LARGE1: variants seen among roughly 807,000 people sequenced by gnomAD.
The protein encoded by LARGE1 is xylosyl- and glucuronyltransferase LARGE1.
A neutral mutation model predicts 87.6 loss-of-function variants in LARGE1; 43 were observed. The observed-to-expected ratio is 0.49, with a 90% CI of 0.38 to 0.63. LARGE1 has a LOEUF of 0.63. LARGE1 is among the 30% of genes least tolerant of loss of function. The pLI is 0.00. For missense variants in LARGE1, 802 were observed against 1,000.2 expected (o/e 0.80, Z 2.67); for synonymous variants, 434 against 394.6 (o/e 1.10, Z -1.18).
At chr22:33,289,779 GGGGAAACT>G (rs1316228072) in intron 12 of LARGE1, among the ~76,000 whole-genome samples, 1 of 152,100 alleles carries the variant, frequency 6.6e-6, no homozygotes, top group Non-Finnish European at 1.5e-5. Context: ...GCTAACCAGT[GGGGAAACT>G]GTGAATTTGA....
At chr22:33,622,157 G>C (rs373611024) in intron 4 of LARGE1, among the ~76,000 whole-genome samples, 2 of 152,104 alleles carry the variant, frequency 1.3e-5, no homozygotes, top group Non-Finnish European at 2.9e-5. Context: ...ATCTCATTTC[G>C]AATTGTAATT....
the LARGE1 span, among the ~76,000 whole-genome samples, chr22:33,153,996 G>T: frequency 6.6e-6 from 1 of 152,086 alleles, no homozygotes; most frequent in Non-Finnish European, 1.5e-5. Context: ...CCAATGTGGG[G>T]TTCACTTCTT....
chr22:33,567,340 C>T lies in LARGE1; in HGVS notation c.616-2321G>A, dbSNP rs534709053. Among the ~76,000 whole-genome samples the T allele has an allele frequency of 7.2e-5, 11 of 152,290 alleles. No individual in the cohort carries two copies. The South Asian group carries it at 2.3e-3, about 32-fold the overall frequency. ...TTAAAGGACTCAAGGGCGTGGTACACAAAATATACTCAGTAATAAGCTCCC... is the reference window on the plus strand; with the variant it reads ...TTAAAGGACTCAAGGGCGTGGTACATAAAATATACTCAGTAATAAGCTCCC... On this transcript the variant is annotated intron_variant, in intron 5 of 14. Coordinates refer to ENST00000397394, the MANE Select transcript of LARGE1 (RefSeq NM_133642.5).
At chr22:33,514,983 C>T (rs1490359818) in intron 6 of LARGE1, among the ~76,000 whole-genome samples, 1 of 151,992 alleles carries the variant, frequency 6.6e-6, no homozygotes, top group African/African-American at 2.4e-5. Flanking sequence ...AGGATCTCCT[C>T]GCAGGCACGT....
At chr22:33,209,311 T>A (rs1228267393) in intron 11 of LARGE1, among the ~76,000 whole-genome samples, 1 of 152,188 alleles carries the variant, frequency 6.6e-6, no homozygotes. Context: ...AATGCAAAGG[T>A]AGGAGGTAGC....
intron 1 of LARGE1, among the ~76,000 whole-genome samples, chr22:33,910,023 G>T (rs1281155254): frequency 1.3e-5 from 2 of 152,126 alleles, no homozygotes; most frequent in Non-Finnish European, 2.9e-5. Flanking sequence ...AGAAGCTAAA[G>T]GAAGCTCCCA....
intron 2 of LARGE1, among the ~76,000 whole-genome samples, chr22:33,730,430 T>C (rs1312892317): frequency 1.3e-5 from 2 of 152,198 alleles, no homozygotes; most frequent in Non-Finnish European, 2.9e-5. Context: ...TTATTTCACA[T>C]TGCATGCCTG....
At chr22:33,520,158 C>T (rs1226199927) in intron 6 of LARGE1, among the ~76,000 whole-genome samples, 2 of 151,968 alleles carry the variant, frequency 1.3e-5, no homozygotes, top group African/African-American at 4.8e-5. Context: ...GCCTGTGCTG[C>T]CACGCCTGGC....
In LARGE1 at chr22:33,523,917, T is replaced by C. The variant is rs192600202; in HGVS notation, c.787+40931A>G. Among the ~76,000 whole-genome samples the C allele has an allele frequency of 4.7e-4, 72 of 152,304 alleles. 1 individual carries two copies. The East Asian group carries it at 0.012, about 25-fold the overall frequency. The stretch of plus-strand genomic sequence containing the variant: ...TATAGTTCTATGCCATTTTATCGTA[T>C]GTGTTCAAGAAACCATCATGGCAAT... On this transcript the variant is annotated intron_variant, in intron 6 of 14. Transcript: ENST00000397394.
chr22:33,483,495 G>C (rs1569203295), intron 6 of LARGE1, among the ~76,000 whole-genome samples: 2 of 152,152 alleles, frequency 1.3e-5, no homozygotes, highest in Non-Finnish European at 2.9e-5. Flanking sequence ...GATAGGGACA[G>C]AAAGGACAGA....
chr22:33,838,720 G>A (rs886887109), intron 1 of LARGE1, among the ~76,000 whole-genome samples: 3 of 152,170 alleles, frequency 2.0e-5, no homozygotes, highest in East Asian at 1.9e-4. Flanking sequence ...GGAACAGTCC[G>A]TCCTACTGGT....
the LARGE1 span, among the ~76,000 whole-genome samples, chr22:33,089,324 C>CTTCTTCT: frequency 2.8e-3 from 92 of 32,314 alleles, 1 homozygote; most frequent in Middle Eastern, 0.032. Context: ...TTTCTTCTTT[C>CTTCTTCT]TTCTTCTTCT....
chr22:33,157,196 C>T, the LARGE1 span, among the ~76,000 whole-genome samples: 2 of 130,330 alleles, frequency 1.5e-5, no homozygotes, highest in Non-Finnish European at 3.4e-5. Context: ...GCTCAGAGTC[C>T]AAAGTGAGTG....
intron 5 of LARGE1, among the ~76,000 whole-genome samples, chr22:33,598,224 GTACCGGT>G (rs2079029631): frequency 6.6e-6 from 1 of 152,124 alleles, no homozygotes. Context: ...GCTCTGCCAT[GTACCGGT>G]TACATGATTT....
At chr22:33,685,620 G>T (rs922784466) in intron 2 of LARGE1, among the ~76,000 whole-genome samples, 7 of 152,134 alleles carry the variant, frequency 4.6e-5, no homozygotes, top group African/African-American at 1.7e-4. Flanking sequence ...AAATTTGCTA[G>T]GTATTTTTTA....
At position 33,190,680 on chromosome 22, in the gene LARGE1, C is replaced by T. The variant is rs558590508; in HGVS notation, c.1731-23848G>A. On this transcript the variant is annotated intron_variant, in intron 11 of 11. Coordinates refer to the LARGE1 transcript ENST00000608642. ...GGTCCGATCAGTTTCACCACAAATG[C>T]AGATCTTGGTGGGGATGAACGTTTT... Among the ~76,000 whole-genome samples, 129 of 152,216 alleles carry T rather than the reference C, an allele frequency of 8.5e-4. 1 individual carries two copies. The highest frequency in any genetic ancestry group is 3.0e-3 in the African/African-American group (126 of 41,522).
At chr22:33,110,035 C>A in the LARGE1 span, among the ~76,000 whole-genome samples, 1 of 152,242 alleles carries the variant, frequency 6.6e-6, no homozygotes, top group Admixed American at 6.5e-5. Context: ...AACTAACACG[C>A]TTACTCATCC....
At chr22:33,451,951 C>T (rs1569175914) in intron 6 of LARGE1, among the ~76,000 whole-genome samples, 1 of 152,218 alleles carries the variant, frequency 6.6e-6, no homozygotes, top group Non-Finnish European at 1.5e-5. Flanking sequence ...TCTTGAGTTA[C>T]TTCACTGAGA....
intron 4 of LARGE1, 25 bp downstream of exon 4, chr22:33,626,219 C>T (rs1390356138): frequency 1.2e-6 from 2 of 1,601,916 alleles, no homozygotes; most frequent in African/African-American, 1.3e-5. Context: ...GACCTCAGCC[C>T]ACACAGCACA....
Sources: gnomAD v4.1 joint callset for allele counts (sites outside exome capture counted in the v4.1 genomes callset) on GRCh38, gnomAD v4.1.1 for gene constraint, MANE v1.5 for transcripts, NCBI Gene and HGNC (gene_info 2026-07-23, HGNC 2026-07-21) for gene names.